TIAM1: variants seen among roughly 807,000 people sequenced by gnomAD.
The protein encoded by TIAM1 is rho guanine nucleotide exchange factor TIAM1.
A neutral mutation model predicts 163.5 loss-of-function variants in TIAM1; 65 were observed. The observed-to-expected ratio is 0.40, with a 90% confidence interval of 0.33 to 0.49. The LOEUF (loss-of-function observed/expected upper bound fraction) is 0.49, where lower values mean the gene tolerates loss of function less well. Among genes scored for constraint, TIAM1 ranks in the 20% least tolerant of loss-of-function variants. The probability of loss-of-function intolerance (pLI) is 0.77; values close to 1 mark genes in which losing one functional copy is unlikely to be tolerated. For synonymous variants in TIAM1, 833 were observed against 810.1 expected (o/e 1.03, Z -0.48); for missense variants, 1,789 against 2,044.7 (o/e 0.87, Z 2.41).
intron 1 of TIAM1, among the ~76,000 whole-genome samples, chr21:31,522,305 G>C (rs958450814): frequency 6.6e-6 from 1 of 151,348 alleles, no homozygotes; most frequent in Admixed American, 6.6e-5. Flanking sequence ...TCAAAAGTTC[G>C]AGACCAGTCT....
At chr21:31,272,613 T>C (rs920279452) in intron 3 of TIAM1, among the ~76,000 whole-genome samples, 2 of 152,200 alleles carry the variant, frequency 1.3e-5, no homozygotes, top group Admixed American at 6.5e-5. Context: ...ATTTCCTGCA[T>C]ACAATTTCCT....
intron 5 of TIAM1, among the ~76,000 whole-genome samples, chr21:31,249,075 T>G (rs2071656300): frequency 6.6e-6 from 1 of 152,212 alleles, no homozygotes; most frequent in South Asian, 2.1e-4. Flanking sequence ...AGTCAGGGTC[T>G]GCTGAAGGCT....
intron 3 of TIAM1, among the ~76,000 whole-genome samples, chr21:31,275,797 T>TA (rs2073272482): frequency 6.6e-6 from 1 of 152,152 alleles, no homozygotes; most frequent in Admixed American, 6.5e-5. Flanking sequence ...CCAATTCATA[T>TA]CATATTCAAG....
At chr21:31,526,469 A>G (rs1650514965) in intron 1 of TIAM1, among the ~76,000 whole-genome samples, 1 of 152,196 alleles carries the variant, frequency 6.6e-6, no homozygotes, top group South Asian at 2.1e-4. Context: ...TAAGCCTTTT[A>G]AGTCATTCTG....
intron 2 of TIAM1, among the ~76,000 whole-genome samples, chr21:31,286,513 G>A (rs570668602): frequency 1.2e-4 from 19 of 152,134 alleles, no homozygotes; most frequent in African/African-American, 4.6e-4. Flanking sequence ...TTCAAGACCA[G>A]CCTGGGAAAC....
intron 3 of TIAM1, among the ~76,000 whole-genome samples, chr21:31,267,314 ACT>A (rs1340955043): frequency 2.0e-5 from 3 of 152,046 alleles, no homozygotes; most frequent in African/African-American, 7.2e-5. Context: ...ACAGCCAGAA[ACT>A]CTGCTGACCT....
intron 2 of TIAM1, among the ~76,000 whole-genome samples, chr21:31,284,685 A>C (rs573025369): frequency 2.0e-5 from 3 of 150,958 alleles, no homozygotes; most frequent in Non-Finnish European, 4.4e-5. Context: ...CACCCGGCTA[A>C]TTTTTTTTTG....
chr21:31,558,037 G>A (rs922069471), intron 1 of TIAM1, among the ~76,000 whole-genome samples: 1 of 152,258 alleles, frequency 6.6e-6, no homozygotes, highest in East Asian at 1.9e-4. Flanking sequence ...CTGACAGCGC[G>A]CAACAACTTC....
chr21:31,206,834 T>C (rs2086473434), intron 11 of TIAM1, among the ~76,000 whole-genome samples: 1 of 152,188 alleles, frequency 6.6e-6, no homozygotes, highest in Non-Finnish European at 1.5e-5. Flanking sequence ...GCTATTTTTC[T>C]TCATATTCTT....
chr21:31,167,368 C>T (rs962981437), intron 15 of TIAM1, among the ~76,000 whole-genome samples: 4 of 152,168 alleles, frequency 2.6e-5, no homozygotes, highest in African/African-American at 9.7e-5. Flanking sequence ...CAGGCATGAG[C>T]CACAGTGCCC....
intron 1 of TIAM1, among the ~76,000 whole-genome samples, chr21:31,486,016 G>A (rs1311629333): frequency 1.3e-5 from 2 of 152,080 alleles, no homozygotes; most frequent in African/African-American, 4.8e-5. Flanking sequence ...TCACATACAC[G>A]ATCTGCTCCC....
chr21:31,516,388 G>C (rs1198228282), intron 1 of TIAM1, among the ~76,000 whole-genome samples: 1 of 152,018 alleles, frequency 6.6e-6, no homozygotes, highest in Non-Finnish European at 1.5e-5. Flanking sequence ...CTCCAGTCTG[G>C]GTGACAAAGA....
chr21:31,367,434 T>G (rs2076521878), intron 2 of TIAM1, among the ~76,000 whole-genome samples: 1 of 152,224 alleles, frequency 6.6e-6, no homozygotes, highest in Admixed American at 6.5e-5. Flanking sequence ...CTGTACATTT[T>G]TGAAATTCAC....
intron 2 of TIAM1, among the ~76,000 whole-genome samples, chr21:31,280,078 T>G (rs1442785122): frequency 6.6e-6 from 1 of 152,118 alleles, no homozygotes; most frequent in Non-Finnish European, 1.5e-5. Context: ...GCAGTACCAG[T>G]AGGCCTGCTT....
At chr21:31,473,527 T>G (rs368189577) in intron 1 of TIAM1, among the ~76,000 whole-genome samples, 4,463 of 22,330 alleles carry the variant, frequency 0.2, 238 homozygotes, top group African/African-American at 0.47. Flanking sequence ...GTTAATTTTG[T>G]TTTTTTTTGC....
chr21:31,266,121 A>G lies in TIAM1; in HGVS notation c.852T>C (p.Ser284=), dbSNP rs369583323. The change falls in exon 4 of 28, where the codon AGT becomes AGC. Residue 284 remains serine, a synonymous_variant. Coordinates refer to ENST00000541036, the MANE Select transcript of TIAM1 (RefSeq NM_001353694.2). ...PAAAEETPPY[S]NYNTLPCRKS... is the part of the protein sequence containing the mutation. ...TCCTACAGGGAAGTGTGTTATAATT[A>G]CTGTACGGAGGAGTCTCTTCAGCAG... The G allele has an allele frequency of 3.1e-6, 5 of 1,614,036 alleles. No homozygotes were observed. Among genetic ancestry groups the G allele is most frequent in the Non-Finnish European group, 4.2e-6 (5 of 1,180,042 alleles).
chr21:31,241,039 C>G (rs1041833082), intron 6 of TIAM1, among the ~76,000 whole-genome samples: 4 of 152,154 alleles, frequency 2.6e-5, no homozygotes, highest in Admixed American at 2.0e-4. Context: ...GGGAGTTCCC[C>G]TGCACATGCT....
intron 2 of TIAM1, among the ~76,000 whole-genome samples, chr21:31,454,145 G>T (rs1602318932): frequency 6.6e-6 from 1 of 152,148 alleles, no homozygotes. Flanking sequence ...TTGTTATGTT[G>T]ATTGTTTTTG....
chr21:31,450,460 G>C (rs893705895), intron 2 of TIAM1, among the ~76,000 whole-genome samples: 1 of 152,108 alleles, frequency 6.6e-6, no homozygotes, highest in African/African-American at 2.4e-5. Flanking sequence ...CTTCAAGGCA[G>C]AACAGGTGCT....
Sources: gnomAD v4.1 joint callset for allele counts (sites outside exome capture counted in the v4.1 genomes callset) on GRCh38, gnomAD v4.1.1 for gene constraint, MANE v1.5 for transcripts, NCBI Gene and HGNC (gene_info 2026-07-23, HGNC 2026-07-21) for gene names.